MAST4: variants seen among roughly 807,000 people sequenced by gnomAD.
MAST4 encodes the protein microtubule-associated serine/threonine-protein kinase 4.
A neutral mutation model predicts 162.7 loss-of-function variants in MAST4; 89 were observed. The observed-to-expected ratio is 0.55, with a 90% CI of 0.46 to 0.65. The LOEUF is 0.65. Among genes scored for constraint, MAST4 ranks in the 30% least tolerant of loss-of-function variants. MAST4 has a pLI of 0.00. For synonymous variants in MAST4, 1,479 were observed against 1,361.1 expected, an observed-to-expected ratio of 1.09 and a Z score of -1.91; for missense variants, 3,153 against 3,374.0, an observed-to-expected ratio of 0.93 and a Z score of 1.62.
At chr5:66,922,243 C>T (rs1282602480) in intron 4 of MAST4, among the ~76,000 whole-genome samples, 1 of 152,200 alleles carries the variant, frequency 6.6e-6, no homozygotes, top group Non-Finnish European at 1.5e-5. Flanking sequence ...CTCGTCTTCC[C>T]TGCTATCATG....
intron 4 of MAST4, among the ~76,000 whole-genome samples, chr5:66,961,985 T>G (rs1046963270): frequency 2.0e-5 from 3 of 152,236 alleles, no homozygotes; most frequent in African/African-American, 7.2e-5. Context: ...GTTGAAACAT[T>G]ATATTTTTTA....
intron 3 of MAST4, among the ~76,000 whole-genome samples, chr5:66,885,072 C>G (rs534663742): frequency 2.0e-5 from 3 of 152,292 alleles, no homozygotes; most frequent in South Asian, 2.1e-4. Flanking sequence ...CTGTCATGCT[C>G]TTGCACAGAC....
intron 3 of MAST4, among the ~76,000 whole-genome samples, chr5:66,810,168 C>T (rs964500186): frequency 2.6e-5 from 4 of 152,080 alleles, no homozygotes; most frequent in Non-Finnish European, 5.9e-5. Flanking sequence ...TAAGGGGATT[C>T]GTAGTTGGTG....
At chr5:67,153,322 AGTAAAC>A (rs1772074390) in intron 25 of MAST4, 130 bp from the exon 26 acceptor site, 16 of 887,870 alleles carry the variant, frequency 1.8e-5, no homozygotes, top group Non-Finnish European at 2.5e-5. Flanking sequence ...GAATAGGAAT[AGTAAAC>A]GTACCTGTTA....
rs745663138 is a variant in MAST4 at position 67,163,813 on chromosome 5, C to A, written c.4634C>A (p.Pro1545Gln). ...KVVVKKADGFPEKQESHQKSH... is the reference protein window; with the variant it reads ...KVVVKKADGFQEKQESHQKSH... Reference sequence around the variant, plus strand: ...GTGGTGAAGAAAGCAGACGGCTTCCCAGAGAAACAGGAATCCCACCAGAAA... The same window carrying A: ...GTGGTGAAGAAAGCAGACGGCTTCCAAGAGAAACAGGAATCCCACCAGAAA... Residue 1545 changes from proline (P) to glutamine (Q), a missense_variant, in exon 29 of 29, where the codon CCA (proline) becomes CAA (glutamine). By Grantham distance (76) the Pro-to-Gln change is moderately conservative. This residue lies in a region of MAST4 where 1,644 missense variants were observed against 1,495.0 expected (regional missense o/e 1.10). Transcript: ENST00000403625. The surrounding 1 kb of genome is among the most constrained non-coding windows in gnomAD (Gnocchi z 7.0). 1 of 1,612,930 alleles carries A rather than the reference C, an allele frequency of 6.2e-7. No individual in the cohort carries two copies. Among genetic ancestry groups the A allele is most frequent in the South Asian group, 1.1e-5 (1 of 90,788 alleles).
intron 1 of MAST4, among the ~76,000 whole-genome samples, chr5:66,665,634 T>C (rs2149466462): frequency 6.6e-6 from 1 of 152,294 alleles, no homozygotes; most frequent in Non-Finnish European, 1.5e-5. Context: ...TCTCGGGATG[T>C]CTTTAGTGGT....
At position 66,659,984 on chromosome 5, in the gene MAST4, T is replaced by C. The variant is rs567709350; in HGVS notation, c.363+62966T>C. Among the ~76,000 whole-genome samples the C allele has an allele frequency of 4.0e-5, 6 of 151,620 alleles. No homozygotes were observed. The East Asian group carries it at 7.8e-4, about 20-fold the overall frequency. ...TTGTGAAGACATGCTTGTGAAGACA[T>C]AGAGATGTGGTTCACTGCTATATGT... On this transcript the variant is annotated intron_variant, in intron 1 of 28. Coordinates refer to ENST00000403625, the MANE Select transcript of MAST4 (RefSeq NM_001164664.2).
chr5:66,734,290 A>G (rs1022307018), intron 1 of MAST4, among the ~76,000 whole-genome samples: 1 of 152,164 alleles, frequency 6.6e-6, no homozygotes, highest in Admixed American at 6.5e-5. Context: ...GATAATAGAT[A>G]TTAGGAACTT....
intron 4 of MAST4, among the ~76,000 whole-genome samples, chr5:66,929,773 G>T (rs1741977037): frequency 6.6e-6 from 1 of 152,112 alleles, no homozygotes; most frequent in Non-Finnish European, 1.5e-5. Context: ...GTTGGCCAGA[G>T]CTCCAGCAGC....
At chr5:67,117,708 C>T (rs1767084225) in intron 12 of MAST4, among the ~76,000 whole-genome samples, 1 of 151,890 alleles carries the variant, frequency 6.6e-6, no homozygotes, top group African/African-American at 2.4e-5. Flanking sequence ...TAAGACCTAT[C>T]ATAGATTTAG....
chr5:66,765,116 A>G (rs958351444), intron 2 of MAST4, among the ~76,000 whole-genome samples: 1 of 152,192 alleles, frequency 6.6e-6, no homozygotes, highest in African/African-American at 2.4e-5. Flanking sequence ...GTAATAGGCT[A>G]TATACCCTGT....
At chr5:66,953,569 A>G (rs993989397) in intron 4 of MAST4, among the ~76,000 whole-genome samples, 1 of 152,148 alleles carries the variant, frequency 6.6e-6, no homozygotes, top group Non-Finnish European at 1.5e-5. Context: ...ATAAAAAGCC[A>G]TTCCTCCTGA....
intron 5 of MAST4, among the ~76,000 whole-genome samples, chr5:67,073,473 T>G (rs1561612261): frequency 6.6e-6 from 1 of 152,206 alleles, no homozygotes; most frequent in Non-Finnish European, 1.5e-5. Context: ...TATGGGAAAT[T>G]CCTCTTACGT....
At chr5:67,041,973 AG>A (rs1354117933) in intron 4 of MAST4, among the ~76,000 whole-genome samples, 1 of 152,178 alleles carries the variant, frequency 6.6e-6, no homozygotes. Flanking sequence ...CAGTAAATTG[AG>A]GCTTAGTGGG....
intron 5 of MAST4, among the ~76,000 whole-genome samples, chr5:67,077,510 A>G (rs962666397): frequency 1.3e-5 from 2 of 152,150 alleles, no homozygotes; most frequent in African/African-American, 2.4e-5. Flanking sequence ...CCTAAAGAGT[A>G]TTGCCAGCTG....
rs1309952100 is a variant in MAST4, at chr5:66,993,007, T to G, written c.675-61397T>G. ...CACCCTGCTCAAGTTCATGTTTTTA[T>G]TCATCTTTTTAGAGAAGACAAACTA... On this transcript the variant is annotated intron_variant, in intron 4 of 28. Transcript: ENST00000403625. Among the ~76,000 whole-genome samples the G allele has an allele frequency of 2.0e-5, 3 of 152,354 alleles. No individual in the cohort carries two copies. In the South Asian group the frequency reaches 6.2e-4, roughly 32 times the overall value.
chr5:66,936,869 C>A (rs918783396), intron 4 of MAST4, among the ~76,000 whole-genome samples: 3 of 152,132 alleles, frequency 2.0e-5, no homozygotes, highest in Non-Finnish European at 4.4e-5. Context: ...TTTAAAATTT[C>A]TTTTCCCAGC....
At chr5:67,076,107 A>AT (rs972340738) in intron 5 of MAST4, among the ~76,000 whole-genome samples, 4 of 152,150 alleles carry the variant, frequency 2.6e-5, no homozygotes, top group Non-Finnish European at 5.9e-5. Context: ...AAGAAAAAAA[A>AT]AATTGAGCAT....
chr5:66,983,363 T>C (rs1163630575), intron 4 of MAST4, among the ~76,000 whole-genome samples: 1 of 152,216 alleles, frequency 6.6e-6, no homozygotes, highest in Non-Finnish European at 1.5e-5. Flanking sequence ...TCTGTATGTG[T>C]GACTTTGGAG....
Sources: gnomAD v4.1 joint callset for allele counts (sites outside exome capture counted in the v4.1 genomes callset) on GRCh38, gnomAD v4.1.1 for gene constraint, gnomAD v4.1.1 regional missense constraint, Gnocchi (gnomAD v3.1) non-coding constraint, MANE v1.5 for transcripts, NCBI Gene and HGNC (gene_info 2026-07-23, HGNC 2026-07-21) for gene names.